KIF3A: variants seen among roughly 807,000 people sequenced by gnomAD.
KIF3A encodes the protein kinesin family member 3A.
A neutral mutation model predicts 92.6 loss-of-function variants in KIF3A; 27 were observed. The observed-to-expected ratio is 0.29, with a 90% CI of 0.21 to 0.40. KIF3A has a LOEUF of 0.40. Among genes scored for constraint, KIF3A ranks in the 10% least tolerant of loss-of-function variants. The pLI is 1.00. For synonymous variants in KIF3A, 250 were observed against 275.4 expected, an observed-to-expected ratio of 0.91 and a Z score of 0.92; for missense variants, 581 against 872.6, an observed-to-expected ratio of 0.67 and a Z score of 4.21.
chr5:132,737,336 C>G (rs560264175), intron 1 of KIF3A, 78 bp downstream of exon 1: 1 of 1,525,710 alleles, frequency 6.6e-7, no homozygotes, highest in South Asian at 1.2e-5. Context: ...GGCTCCGCGC[C>G]TCCATGGCAA....
At chr5:132,713,627 C>T (rs1753507431) in intron 8 of KIF3A, among the ~76,000 whole-genome samples, 1 of 149,552 alleles carries the variant, frequency 6.7e-6, no homozygotes, top group South Asian at 2.1e-4. Flanking sequence ...GGGTACATAC[C>T]CCAAAAATGG....
chr5:132,721,765 C>T (rs995060881), intron 4 of KIF3A, among the ~76,000 whole-genome samples: 2 of 151,394 alleles, frequency 1.3e-5, no homozygotes, highest in Admixed American at 1.3e-4. Context: ...GGATTTCAGA[C>T]CTTGCTCTGA....
intron 1 of KIF3A, among the ~76,000 whole-genome samples, chr5:132,736,136 T>C (rs1361055138): frequency 6.6e-6 from 1 of 152,236 alleles, no homozygotes; most frequent in Non-Finnish European, 1.5e-5. Flanking sequence ...AATTTTACTT[T>C]TGCTTGTTCC....
At chr5:132,725,150 A>C (rs992039453) in intron 4 of KIF3A, among the ~76,000 whole-genome samples, 111 of 152,084 alleles carry the variant, frequency 7.3e-4, no homozygotes, top group African/African-American at 2.6e-3. Context: ...ATAACACAAC[A>C]AATTTTTTAG....
chr5:132,736,036 C>T (rs1754378424), intron 1 of KIF3A, among the ~76,000 whole-genome samples: 1 of 152,224 alleles, frequency 6.6e-6, no homozygotes, highest in African/African-American at 2.4e-5. Context: ...CTTCAGAACT[C>T]AACAGCCACT....
downstream of KIF3A, among the ~76,000 whole-genome samples, chr5:132,690,275 T>C (rs1752630213): frequency 6.6e-6 from 1 of 151,506 alleles, no homozygotes; most frequent in South Asian, 2.1e-4. Flanking sequence ...CCTGTAGTCC[T>C]AGTTACTCAG....
chr5:132,733,484 A>G (rs1317838711), intron 2 of KIF3A, among the ~76,000 whole-genome samples: 2 of 152,250 alleles, frequency 1.3e-5, no homozygotes, highest in East Asian at 1.9e-4. Context: ...ATAAATGGAG[A>G]GAAGCTGGAC....
At chr5:132,726,552 A>G in intron 2 of KIF3A, 54 bp from the exon 3 acceptor site, 2 of 1,465,826 alleles carry the variant, frequency 1.4e-6, no homozygotes, top group South Asian at 1.2e-5. Flanking sequence ...CTACAGAACA[A>G]TAGCTCTTAA....
chr5:132,690,043 C>T (rs1752625669), downstream of KIF3A, among the ~76,000 whole-genome samples: 1 of 152,136 alleles, frequency 6.6e-6, no homozygotes. Context: ...TATGGTGAAA[C>T]CCTATCTCTA....
Position 132,716,023 on chromosome 5 carries a change from C to T in KIF3A, c.955-92G>A, listed in dbSNP as rs1184410820. The T allele has an allele frequency of 6.1e-6, 6 of 988,924 alleles. No individual in the cohort carries two copies. In the African/African-American group the frequency reaches 8.2e-5, roughly 14 times the overall value. 61.3% of individuals were successfully genotyped at this position (988,924 alleles called of 1,614,324 possible). A position where few individuals can be genotyped will look rare whatever the true frequency, so the allele number is the denominator to read the frequency against. On this transcript the variant is annotated intron_variant, in intron 7 of 18. Coordinates refer to ENST00000403231, the MANE Select transcript of KIF3A (RefSeq NM_001300791.2). The stretch of plus-strand genomic sequence containing the variant: ...ACAAATACATCAAAAACATTTAAAG[C>T]ACATATGCACCCTTGGCCTTCTCGA...
At chr5:132,698,718 T>C (rs1403431396) in intron 18 of KIF3A, among the ~76,000 whole-genome samples, 1 of 144,186 alleles carries the variant, frequency 6.9e-6, no homozygotes, top group Non-Finnish European at 1.5e-5. Context: ...TTCTAATACA[T>C]AAGGAATTTG....
intron 11 of KIF3A, among the ~76,000 whole-genome samples, chr5:132,705,257 T>A (rs1015207904): frequency 6.6e-6 from 1 of 152,010 alleles, no homozygotes; most frequent in East Asian, 1.9e-4. Flanking sequence ...AGTTCAGGTA[T>A]ATAGTAAGTA....
Position 132,702,945 on chromosome 5 carries a change from C to A in KIF3A, c.1587G>T (p.Met529Ile). The A allele has an allele frequency of 1.2e-6, 2 of 1,613,492 alleles. No individual in the cohort carries two copies. Among genetic ancestry groups the A allele is most frequent in the African/African-American group, 1.3e-5 (1 of 74,988 alleles). Reference sequence around the variant, plus strand: ...CTCTTTTCCTCCTTTCTTCCAGTTCCATGTTAGATTCTTCAAGAAGTTTCT... The same window carrying A: ...CTCTTTTCCTCCTTTCTTCCAGTTCAATGTTAGATTCTTCAAGAAGTTTCT... Reference protein sequence around the residue: ...EQEKLLEESNMELEERRKRAE... With the variant: ...EQEKLLEESNIELEERRKRAE... Residue 529 changes from methionine (M) to isoleucine (I), a missense_variant, in exon 13 of 19, where the codon ATG (methionine) becomes ATT (isoleucine). This residue lies in a region of KIF3A where 45 missense variants were observed against 115.8 expected (regional missense o/e 0.39). Transcript: ENST00000403231.
rs1211269203 is a variant in KIF3A at position 132,726,181 on chromosome 5, A to G, written c.457T>C (p.Tyr153His). The change falls in exon 4 of 19, where the codon TAT becomes CAT. Residue 153 changes from tyrosine (Y) to histidine (H), a missense_variant. By Grantham distance (83) the Tyr-to-His change is moderately conservative (BLOSUM62 2). This residue lies in a region of KIF3A where 217 missense variants were observed against 299.7 expected (regional missense o/e 0.72). Coordinates refer to ENST00000403231, the MANE Select transcript of KIF3A (RefSeq NM_001300791.2). ...FLVRVSYLEI[Y>H]NEEVRDLLGK... ...AAAAGGTCACGAACTTCTTCATTAT[A>G]TATTTCCAAATAAGACACTCGAACC... 1.9e-6 allele frequency: 3 copies of G among 1,612,160 alleles called. No individual in the cohort carries two copies. Among genetic ancestry groups the G allele is most frequent in the East Asian group, 2.2e-5 (1 of 44,826 alleles).
Position 132,720,645 on chromosome 5 carries a change from C to G in KIF3A, c.580G>C (p.Asp194His). Residue 194 changes from aspartate (D) to histidine (H), a missense_variant, in exon 5 of 19, where the codon GAT (aspartate) becomes CAT (histidine). This residue lies in a region of KIF3A where 217 missense variants were observed against 299.7 expected (regional missense o/e 0.72). Transcript: ENST00000403231. The part of the protein sequence containing the change: ...LSAYVVNNAD[D>H]MDRIMTLGHK... ...CCTAGCGTCATAATTCTATCCATAT[C>G]ATCAGCATTATTTACCACATAAGCT... The G allele has an allele frequency of 1.2e-6, 2 of 1,611,892 alleles. No individual in the cohort carries two copies. Among genetic ancestry groups the G allele is most frequent in the Non-Finnish European group, 8.5e-7 (1 of 1,178,530 alleles).
chr5:132,724,623 T>A (rs1581093946), intron 4 of KIF3A, among the ~76,000 whole-genome samples: 1 of 150,958 alleles, frequency 6.6e-6, no homozygotes, highest in East Asian at 2.0e-4. Flanking sequence ...AAGGAGAACA[T>A]CACACACCGG....
At chr5:132,715,716 T>A (rs1252009997) in intron 8 of KIF3A, 41 bp downstream of exon 8, 4 of 1,494,252 alleles carry the variant, frequency 2.7e-6, no homozygotes, top group Non-Finnish European at 3.7e-6. Flanking sequence ...AACAATGTAT[T>A]TTTAGCCAAC....
intron 12 of KIF3A, 146 bp downstream of exon 12, chr5:132,703,317 A>G (rs1026508904): frequency 5.7e-6 from 4 of 702,204 alleles, no homozygotes; most frequent in Non-Finnish European, 9.3e-6. Flanking sequence ...GAAATACACT[A>G]TATACAATGG....
chr5:132,716,195 T>C (rs1360572093), intron 7 of KIF3A, 50 bp downstream of exon 7: 1 of 1,410,480 alleles, frequency 7.1e-7, no homozygotes, highest in African/African-American at 1.4e-5. Flanking sequence ...TGGCATAAAT[T>C]ACAATCTTAA....
Sources: allele counts gnomAD v4.1 joint callset (sites outside exome capture counted in the v4.1 genomes callset), GRCh38; gene constraint gnomAD v4.1.1; regional missense constraint gnomAD v4.1.1; transcripts MANE v1.5; gene names NCBI Gene and HGNC (gene_info 2026-07-23, HGNC 2026-07-21).